The following ZNF385D variants were observed in gnomAD, a reference collection of about 807,000 sequenced individuals.
ZNF385D encodes zinc finger protein 385D, also known as zinc finger protein 659.
A neutral mutation model predicts 35.8 loss-of-function variants in ZNF385D; 15 were observed. That is an observed-to-expected ratio of 0.42 (90% CI 0.28 to 0.64). The LOEUF (loss-of-function observed/expected upper bound fraction) is 0.64, where lower values mean the gene tolerates loss of function less well. ZNF385D is among the 30% of genes least tolerant of loss of function. The probability of loss-of-function intolerance (pLI) is 0.23; values close to 1 mark genes in which losing one functional copy is unlikely to be tolerated. For synonymous variants in ZNF385D, 212 were observed against 186.8 expected (o/e 1.13, Z -1.10); for missense variants, 474 against 494.6 (o/e 0.96, Z 0.39).
At chr3:22,309,976 A>G (rs1005459359) in intron 2 of ZNF385D, among the ~76,000 whole-genome samples, 3 of 152,036 alleles carry the variant, frequency 2.0e-5, no homozygotes, top group Non-Finnish European at 4.4e-5. Flanking sequence ...AGGCTTGATG[A>G]ACTGCTCAAT....
intron 3 of ZNF385D, among the ~76,000 whole-genome samples, chr3:21,773,685 G>T (rs1483041875): frequency 6.6e-6 from 1 of 151,514 alleles, no homozygotes; most frequent in Non-Finnish European, 1.5e-5. Context: ...CACCATCCCT[G>T]ATCATTAGAG....
At chr3:22,134,404 A>T (rs1703983828) in intron 3 of ZNF385D, 2 of 152,168 alleles carry the variant, frequency 1.3e-5, no homozygotes, top group East Asian at 3.9e-4. Flanking sequence ...GAAAGAAAAA[A>T]AATTATTAGG....
In ZNF385D at chr3:21,419,022, A is replaced by T. The variant is rs1700627909; in HGVS notation, c.*2192T>A. Reference sequence around the variant, plus strand: ...AGAATAGAGATGCTGGTAAATGCAAAATCACCAGATACTTTCAAAACAAAT... The same window carrying T: ...AGAATAGAGATGCTGGTAAATGCAATATCACCAGATACTTTCAAAACAAAT... On this transcript the variant is annotated 3_prime_UTR_variant, in exon 8 of 8. Coordinates refer to ENST00000281523, the MANE Select transcript of ZNF385D (RefSeq NM_024697.3). The T allele has an allele frequency of 6.6e-6, 1 of 152,146 alleles. No individual in the cohort carries two copies. Among genetic ancestry groups the T allele is most frequent in the Admixed American group, 6.5e-5 (1 of 15,268 alleles). 9.4% of individuals were successfully genotyped at this position (152,146 alleles called of 1,614,324 possible).
chr3:21,994,225 T>G (rs937056658), intron 3 of ZNF385D, among the ~76,000 whole-genome samples: 12 of 152,164 alleles, frequency 7.9e-5, no homozygotes, highest in Admixed American at 6.5e-4. Flanking sequence ...ACACATAAGA[T>G]CTACATACTG....
At chr3:21,865,214 C>G (rs73052629) in intron 3 of ZNF385D, among the ~76,000 whole-genome samples, 1,793 of 151,606 alleles carry the variant, frequency 0.012, 19 homozygotes, top group Non-Finnish European at 0.019. Context: ...TTATGGGCTT[C>G]CGGATCCCTT....
At chr3:21,469,877 G>T (rs568553425) in intron 4 of ZNF385D, among the ~76,000 whole-genome samples, 5 of 152,152 alleles carry the variant, frequency 3.3e-5, no homozygotes, top group African/African-American at 1.2e-4. Flanking sequence ...TAACAGTGGA[G>T]ATCCAAAGCA....
intron 3 of ZNF385D, among the ~76,000 whole-genome samples, chr3:22,128,032 GA>G: frequency 6.6e-6 from 1 of 152,220 alleles, no homozygotes; most frequent in Admixed American, 6.5e-5. Context: ...CTTTTAGATT[GA>G]AAAACTCTCT....
At chr3:21,847,036 T>A (rs1696051049) in intron 3 of ZNF385D, among the ~76,000 whole-genome samples, 1 of 152,034 alleles carries the variant, frequency 6.6e-6, no homozygotes, top group South Asian at 2.1e-4. Context: ...TACTTTTGTG[T>A]TACAGGGCTT....
At chr3:21,958,741 G>A (rs1200932120) in intron 3 of ZNF385D, 1 of 149,102 alleles carries the variant, frequency 6.7e-6, no homozygotes, top group African/African-American at 2.5e-5. Context: ...TAAATATTAA[G>A]CTGTAGAGTG....
chr3:21,739,113 C>T (rs984213986), intron 1 of ZNF385D, among the ~76,000 whole-genome samples: 1 of 152,216 alleles, frequency 6.6e-6, no homozygotes, highest in Non-Finnish European at 1.5e-5. Flanking sequence ...TGGGTAGTGA[C>T]TGGCAAAGCC....
chr3:21,923,699 C>A (rs1483940121), intron 3 of ZNF385D, among the ~76,000 whole-genome samples: 1 of 152,122 alleles, frequency 6.6e-6, no homozygotes, highest in East Asian at 1.9e-4. Flanking sequence ...AAATTATGTT[C>A]TTTGCAGCAA....
At chr3:22,181,866 A>G (rs897211142) in intron 2 of ZNF385D, among the ~76,000 whole-genome samples, 1 of 152,182 alleles carries the variant, frequency 6.6e-6, no homozygotes, top group Non-Finnish European at 1.5e-5. Flanking sequence ...TACAATTTGA[A>G]AAAAATGTGA....
intron 3 of ZNF385D, among the ~76,000 whole-genome samples, chr3:21,938,423 G>A (rs1443832780): frequency 1.3e-5 from 2 of 152,156 alleles, no homozygotes; most frequent in Admixed American, 1.3e-4. Context: ...TGGAGAGAAT[G>A]AAAGTAGGCC....
chr3:21,731,412 C>T (rs1261691301), intron 1 of ZNF385D, among the ~76,000 whole-genome samples: 4 of 152,156 alleles, frequency 2.6e-5, no homozygotes, highest in Admixed American at 6.5e-5. Flanking sequence ...CATATACCCA[C>T]TGCCTTCACA....
At chr3:21,466,754 C>T (rs546653669) in intron 4 of ZNF385D, among the ~76,000 whole-genome samples, 4 of 152,138 alleles carry the variant, frequency 2.6e-5, no homozygotes, top group Non-Finnish European at 5.9e-5. Flanking sequence ...TGATCTCACC[C>T]CACTACACGC....
chr3:22,271,891 A>C (rs958262625), intron 2 of ZNF385D, among the ~76,000 whole-genome samples: 5 of 152,034 alleles, frequency 3.3e-5, no homozygotes, highest in African/African-American at 1.2e-4. Flanking sequence ...CAATAGTGTA[A>C]AAACAATACG....
intron 2 of ZNF385D, among the ~76,000 whole-genome samples, chr3:22,265,443 C>T (rs1700850132): frequency 1.3e-5 from 2 of 151,952 alleles, no homozygotes; most frequent in African/African-American, 4.8e-5. Context: ...AAATAATAAA[C>T]ATTTACAGAG....
intron 3 of ZNF385D, among the ~76,000 whole-genome samples, chr3:22,140,830 G>A (rs1036117604): frequency 6.6e-6 from 1 of 152,198 alleles, no homozygotes; most frequent in African/African-American, 2.4e-5. Context: ...CCAAGGGGCA[G>A]GGCAAGGTTG....
chr3:22,008,956 GA>G (rs1696390506), intron 3 of ZNF385D, among the ~76,000 whole-genome samples: 1 of 151,622 alleles, frequency 6.6e-6, no homozygotes, highest in African/African-American at 2.4e-5. Context: ...TAAATCAAAA[GA>G]ATATGGAAGG....
Sources: gnomAD v4.1 joint callset for allele counts (sites outside exome capture counted in the v4.1 genomes callset) on GRCh38, gnomAD v4.1.1 for gene constraint, MANE v1.5 for transcripts, NCBI Gene and HGNC (gene_info 2026-07-23, HGNC 2026-07-21) for gene names.